SNX29: variants seen among roughly 807,000 people sequenced by gnomAD.
SNX29 encodes sorting nexin 29, also known as sorting nexin-29.
In SNX29, 78 loss-of-function variants were observed where a neutral mutation model predicts 102.1. The ratio of observed to expected loss-of-function variants is 0.76; its 90% CI spans 0.64 to 0.92. The LOEUF is 0.92. SNX29 is among the 40% of genes least tolerant of loss of function. The pLI is 0.00. For synonymous variants in SNX29, 580 were observed against 414.5 expected, an observed-to-expected ratio of 1.40 and a Z score of -4.85; for missense variants, 1,280 against 1,061.7, an observed-to-expected ratio of 1.21 and a Z score of -2.86.
intron 11 of SNX29, among the ~76,000 whole-genome samples, chr16:12,109,470 C>T (rs1002546777): frequency 2.0e-5 from 3 of 152,316 alleles, no homozygotes; most frequent in East Asian, 1.9e-4. Context: ...AAAGGCCCCA[C>T]GTCTCAGTAC....
intron 16 of SNX29, 59 bp from the exon 17 acceptor site, chr16:12,398,387 G>A: frequency 1.3e-6 from 2 of 1,570,360 alleles, no homozygotes; most frequent in East Asian, 2.2e-5. Context: ...CTGTGATTAT[G>A]CAAACCATGG....
chr16:12,315,067 G>A (rs550856133), intron 15 of SNX29, among the ~76,000 whole-genome samples: 1 of 152,258 alleles, frequency 6.6e-6, no homozygotes, highest in East Asian at 1.9e-4. Context: ...TGACTTCATG[G>A]GCTTGTACCT....
chr16:11,997,717 A>G (rs2056136063), intron 1 of SNX29, among the ~76,000 whole-genome samples: 2 of 152,032 alleles, frequency 1.3e-5, no homozygotes, highest in African/African-American at 4.8e-5. Context: ...GATGTCAAGC[A>G]ATCTTCCTGC....
intron 14 of SNX29, among the ~76,000 whole-genome samples, chr16:12,222,867 C>T (rs2077514281): frequency 6.6e-6 from 1 of 152,124 alleles, no homozygotes; most frequent in Non-Finnish European, 1.5e-5. Context: ...CGACGCCCAG[C>T]CTGCAGAGTG....
At chr16:12,553,865 A>G (rs528678735) in intron 20 of SNX29, among the ~76,000 whole-genome samples, 61 of 151,464 alleles carry the variant, frequency 4.0e-4, no homozygotes, top group African/African-American at 1.4e-3. Flanking sequence ...GGGATTTCAG[A>G]TGGAGTCTCA....
chr16:12,149,176 G>C (rs149799986), intron 13 of SNX29, among the ~76,000 whole-genome samples: 4,331 of 152,236 alleles, frequency 0.028, 110 homozygotes, highest in Admixed American at 0.038. Context: ...TTCATTTCAT[G>C]GTCTAAAGTG....
intron 20 of SNX29, chr16:12,527,215 T>A (rs549573073): frequency 3.6e-5 from 19 of 533,840 alleles, no homozygotes; most frequent in African/African-American, 3.3e-4. Flanking sequence ...CATTTTGGGG[T>A]AATGATGGAT....
intron 15 of SNX29, among the ~76,000 whole-genome samples, chr16:12,290,981 T>C (rs892391008): frequency 6.6e-6 from 1 of 152,190 alleles, no homozygotes; most frequent in Admixed American, 6.5e-5. Flanking sequence ...AATTGAATGG[T>C]ATCTATTCAG....
At chr16:12,126,576 G>A in intron 11 of SNX29, 57 bp from the exon 12 acceptor site, 4 of 1,555,252 alleles carry the variant, frequency 2.6e-6, no homozygotes, top group Non-Finnish European at 2.7e-6. Context: ...AGAGGTGAGG[G>A]CATGCTGTAA....
At chr16:12,491,505 C>CTT (rs143345784) in intron 19 of SNX29, among the ~76,000 whole-genome samples, 4 of 151,174 alleles carry the variant, frequency 2.6e-5, no homozygotes, top group Non-Finnish European at 1.5e-5. Flanking sequence ...TTTGTTGCTG[C>CTT]TGTTGTTTTT....
chr16:12,218,287 C>G (rs2077378461), intron 14 of SNX29, among the ~76,000 whole-genome samples: 2 of 151,888 alleles, frequency 1.3e-5, no homozygotes, highest in South Asian at 4.2e-4. Flanking sequence ...CGATGCTACC[C>G]TTTTTAGATC....
At chr16:12,358,939 T>C (rs1384794449) in intron 16 of SNX29, among the ~76,000 whole-genome samples, 1 of 152,258 alleles carries the variant, frequency 6.6e-6, no homozygotes, top group African/African-American at 2.4e-5. Flanking sequence ...GTCTTCACTG[T>C]ATCCTTTGTA....
At chr16:12,317,532 A>G (rs2080789918) in intron 15 of SNX29, among the ~76,000 whole-genome samples, 1 of 152,170 alleles carries the variant, frequency 6.6e-6, no homozygotes, top group Non-Finnish European at 1.5e-5. Flanking sequence ...CAAGGATGGG[A>G]ACGTGCTGCT....
intron 14 of SNX29, among the ~76,000 whole-genome samples, chr16:12,218,984 C>T (rs1028151145): frequency 2.6e-5 from 4 of 152,074 alleles, no homozygotes; most frequent in African/African-American, 4.8e-5. Context: ...CTGTGTTAGC[C>T]AGGTTGGTCT....
At chr16:12,293,523 G>T (rs190796094) in intron 15 of SNX29, among the ~76,000 whole-genome samples, 8 of 152,318 alleles carry the variant, frequency 5.3e-5, no homozygotes, top group Admixed American at 4.6e-4. Context: ...TCTGGTGGAA[G>T]ACGTTTCTAA....
At chr16:12,473,748 A>G (rs896892613) in intron 18 of SNX29, among the ~76,000 whole-genome samples, 1 of 152,184 alleles carries the variant, frequency 6.6e-6, no homozygotes, top group Non-Finnish European at 1.5e-5. Context: ...CAAGATGGCT[A>G]CTAGAGTGAC....
chr16:12,542,398 C>T (rs574415255), intron 20 of SNX29, among the ~76,000 whole-genome samples: 7 of 152,352 alleles, frequency 4.6e-5, no homozygotes, highest in South Asian at 4.1e-4. Flanking sequence ...TACAGTGGCA[C>T]AGTCTCCCCT....
intron 19 of SNX29, among the ~76,000 whole-genome samples, chr16:12,481,001 A>T (rs536739290): frequency 6.6e-6 from 1 of 152,190 alleles, no homozygotes; most frequent in South Asian, 2.1e-4. Flanking sequence ...CATGCTCTCC[A>T]CCCTCATCCC....
chr16:12,171,926 G>C (rs1223573616), intron 13 of SNX29, among the ~76,000 whole-genome samples: 1 of 152,178 alleles, frequency 6.6e-6, no homozygotes, highest in Non-Finnish European at 1.5e-5. Flanking sequence ...GGGCCCCAGT[G>C]TCCAGTGAAT....
Sources: allele counts gnomAD v4.1 joint callset (sites outside exome capture counted in the v4.1 genomes callset), GRCh38; gene constraint gnomAD v4.1.1; transcripts MANE v1.5; gene names NCBI Gene and HGNC (gene_info 2026-07-23, HGNC 2026-07-21).